Variants in DOCK1 observed in about 807,000 individuals in gnomAD.
DOCK1 encodes the protein dedicator of cytokinesis protein 1.
Under a neutral mutation model 262.7 loss-of-function variants are expected in DOCK1, and 138 were observed. That is an observed-to-expected ratio of 0.53 (90% CI 0.46 to 0.61). The LOEUF (loss-of-function observed/expected upper bound fraction) is 0.61. Among genes scored for constraint, DOCK1 ranks in the 20% least tolerant of loss-of-function variants. DOCK1 has a pLI of 0.00. For synonymous variants in DOCK1, 866 were observed against 867.4 expected, an observed-to-expected ratio of 1.00 and a Z score of 0.03; for missense variants, 1,908 against 2,370.7, an observed-to-expected ratio of 0.80 and a Z score of 4.05.
rs1248679809 is a variant in DOCK1 at position 127,418,301 on chromosome 10, T to C, written c.4516-64T>C. ...CCTGCCCCAGAGCACGTGGCTCCTCTGGTGAGACCCTGGGAGTGGAGGCAG... is the reference window on the plus strand; with the variant it reads ...CCTGCCCCAGAGCACGTGGCTCCTCCGGTGAGACCCTGGGAGTGGAGGCAG... On this transcript the variant is annotated intron_variant, in intron 44 of 51. Transcript: ENST00000623213. 16 of 1,478,426 alleles carry C rather than the reference T, an allele frequency of 1.1e-5. No individual in the cohort carries two copies. The Middle Eastern group carries it at 9.0e-4, about 83-fold the overall frequency. 91.6% of individuals were successfully genotyped at this position (1,478,426 alleles called of 1,614,324 possible).
chr10:127,006,471 G>A (rs1374536299), intron 10 of DOCK1, among the ~76,000 whole-genome samples: 2 of 152,180 alleles, frequency 1.3e-5, no homozygotes, highest in African/African-American at 4.8e-5. Flanking sequence ...GGGCTGGCTG[G>A]CTGGGGGAAT....
chr10:127,402,837 A>G (rs1487936990), intron 38 of DOCK1: 8 of 656,046 alleles, frequency 1.2e-5, no homozygotes, highest in Non-Finnish European at 2.0e-5. Context: ...CGTGATTGAC[A>G]TGCCAGTGAT....
Position 127,075,666 on chromosome 10 carries a change from C to T in DOCK1, c.2445+13890C>T, listed in dbSNP as rs546851183. Among the ~76,000 whole-genome samples, 7 of 152,102 alleles carry T rather than the reference C, an allele frequency of 4.6e-5. No homozygotes were observed. In the South Asian group the frequency reaches 6.2e-4, roughly 14 times the overall value. On this transcript the variant is annotated intron_variant, in intron 23 of 51. Coordinates refer to ENST00000623213, the MANE Select transcript of DOCK1 (RefSeq NM_001290223.2). The stretch of plus-strand genomic sequence containing the variant: ...CTTCACATGGCGGCAGGAGAGAGAG[C>T]GGAGGGGGAAGTGACACACACTTTA...
intron 1 of DOCK1, among the ~76,000 whole-genome samples, chr10:126,933,071 C>T (rs2034303312): frequency 6.6e-6 from 1 of 151,914 alleles, no homozygotes; most frequent in African/African-American, 2.4e-5. Flanking sequence ...GCAGAAGGCC[C>T]AGGGCCAGGG....
intron 19 of DOCK1, among the ~76,000 whole-genome samples, chr10:127,038,514 A>G (rs1453952713): frequency 6.6e-6 from 1 of 152,092 alleles, no homozygotes; most frequent in Non-Finnish European, 1.5e-5. Context: ...TACTGTTGTC[A>G]TGATCCTTGT....
intron 22 of DOCK1, among the ~76,000 whole-genome samples, chr10:127,059,798 C>G (rs1320494243): frequency 6.6e-6 from 1 of 152,076 alleles, no homozygotes; most frequent in Non-Finnish European, 1.5e-5. Context: ...TTTCTGCTCT[C>G]TTTTTCCTCT....
chr10:127,151,464 A>G (rs1239459640), intron 27 of DOCK1, among the ~76,000 whole-genome samples: 2 of 152,140 alleles, frequency 1.3e-5, no homozygotes, highest in Admixed American at 6.5e-5. Flanking sequence ...TGACCACTCC[A>G]AAGGGAGTGA....
At chr10:127,163,169 T>G (rs143826262) in intron 27 of DOCK1, among the ~76,000 whole-genome samples, 103 of 152,338 alleles carry the variant, frequency 6.8e-4, no homozygotes, top group African/African-American at 2.3e-3. Context: ...CTGGGCATTT[T>G]GCTGGCTGGG....
chr10:127,152,025 T>A (rs915122767), intron 27 of DOCK1, among the ~76,000 whole-genome samples: 25 of 151,308 alleles, frequency 1.7e-4, no homozygotes, highest in African/African-American at 5.3e-4. Flanking sequence ...ATATATATAT[T>A]TTTTTTCGAT....
chr10:127,000,556 C>G lies in DOCK1; in HGVS notation c.985+249C>G, dbSNP rs2275539. On this transcript the variant is annotated intron_variant, in intron 10 of 51. Transcript: ENST00000623213. ...GTTTTAAAGTGGATCCCATCTTTCCCTGGGAGTGATCCTGACCCATATTCT... is the reference window on the plus strand; with the variant it reads ...GTTTTAAAGTGGATCCCATCTTTCCGTGGGAGTGATCCTGACCCATATTCT... 893 of 465,002 alleles carry G rather than the reference C, an allele frequency of 1.9e-3. 13 individuals are homozygous for G. The East Asian group carries it at 0.034, about 18-fold the overall frequency. 28.8% of individuals were successfully genotyped at this position (465,002 alleles called of 1,614,324 possible). A position where few individuals can be genotyped will look rare whatever the true frequency, so the allele number is the denominator to read the frequency against.
intron 43 of DOCK1, among the ~76,000 whole-genome samples, chr10:127,413,806 G>T (rs1015689457): frequency 6.6e-6 from 1 of 152,190 alleles, no homozygotes; most frequent in Admixed American, 6.5e-5. Flanking sequence ...TGTGGGACAC[G>T]GAGGCCTTGC....
rs1401830413 is a variant in DOCK1, at chr10:127,403,161, T to C, written c.4017+17T>C. On this transcript the variant is annotated intron_variant, in intron 39 of 51. Coordinates refer to ENST00000623213, the MANE Select transcript of DOCK1 (RefSeq NM_001290223.2). Reference sequence around the variant, plus strand: ...GAATTGCTGGTGAGTCTTTATTTCTTTTTATTTAAATGAACACAGGCAATC... The same window carrying C: ...GAATTGCTGGTGAGTCTTTATTTCTCTTTATTTAAATGAACACAGGCAATC... The C allele has an allele frequency of 6.3e-7, 1 of 1,586,548 alleles. No individual in the cohort carries two copies.
chr10:127,037,930 C>G, intron 19 of DOCK1, 114 bp downstream of exon 19: 2 of 861,884 alleles, frequency 2.3e-6, no homozygotes, highest in Non-Finnish European at 3.4e-6. Context: ...GTTATACTCC[C>G]TTTAAAAAAT....
rs192881335 is a variant in DOCK1 at position 127,051,921 on chromosome 10, G to A, written c.2202-760G>A. Among the ~76,000 whole-genome samples, 7 of 152,082 alleles carry A rather than the reference G, an allele frequency of 4.6e-5. No homozygotes were observed. The East Asian group carries it at 1.2e-3, about 25-fold the overall frequency. On this transcript the variant is annotated intron_variant, in intron 21 of 51. Transcript: ENST00000623213. ...TTTAAAGTGCAATGTTGAGAAAATCGTCACCACTATCCATCAGAGAGTATT... is the reference window on the plus strand; with the variant it reads ...TTTAAAGTGCAATGTTGAGAAAATCATCACCACTATCCATCAGAGAGTATT...
intron 19 of DOCK1, 78 bp from the exon 20 acceptor site, chr10:127,042,547 C>T (rs1564756275): frequency 3.9e-6 from 5 of 1,285,780 alleles, no homozygotes; most frequent in Non-Finnish European, 4.5e-6. Context: ...TGGAGTACTG[C>T]AGAGATGATA....
At chr10:127,143,771 G>A (rs2051510202) in intron 27 of DOCK1, among the ~76,000 whole-genome samples, 3 of 152,248 alleles carry the variant, frequency 2.0e-5, no homozygotes, top group Middle Eastern at 3.4e-3. Flanking sequence ...AGTCCTTTCT[G>A]GGCCTTGGTT....
At chr10:127,174,582 T>C (rs925453437) in intron 27 of DOCK1, among the ~76,000 whole-genome samples, 8 of 152,284 alleles carry the variant, frequency 5.3e-5, no homozygotes, top group South Asian at 4.2e-4. Context: ...ACTGGACACA[T>C]AGGGCAGCCC....
Position 126,933,900 on chromosome 10 carries a change from C to T in DOCK1, c.46+28337C>T, listed in dbSNP as rs905261523. Among the ~76,000 whole-genome samples, 5 of 152,072 alleles carry T rather than the reference C, an allele frequency of 3.3e-5. No individual in the cohort carries two copies. In the East Asian group the frequency reaches 5.8e-4, roughly 18 times the overall value. On this transcript the variant is annotated intron_variant, in intron 1 of 51. Coordinates refer to ENST00000623213, the MANE Select transcript of DOCK1 (RefSeq NM_001290223.2). ...TGTGATCTCCACTCACTGCAACCTC[C>T]GCCTCCCACGTTCAAGTGATTCTCC...
chr10:127,374,039 G>A lies in DOCK1; in HGVS notation c.3519-19G>A, dbSNP rs753855626. On this transcript the variant is annotated intron_variant, in intron 34 of 51. Transcript: ENST00000623213. Reference sequence around the variant, plus strand: ...TTTTTCTGAGTGTGATTAACAAGGTGTGTATAATTATTTTTCAGCCTTCTG... The same window carrying A: ...TTTTTCTGAGTGTGATTAACAAGGTATGTATAATTATTTTTCAGCCTTCTG... 4 of 1,596,900 alleles carry A rather than the reference G, an allele frequency of 2.5e-6. No homozygotes were observed. The highest frequency in any genetic ancestry group is 2.2e-5 in the East Asian group (1 of 44,658).
Sources: allele counts gnomAD v4.1 joint callset (sites outside exome capture counted in the v4.1 genomes callset), GRCh38; gene constraint gnomAD v4.1.1; transcripts MANE v1.5; gene names NCBI Gene and HGNC (gene_info 2026-07-23, HGNC 2026-07-21).